TMEM132D: variants seen among roughly 807,000 people sequenced by gnomAD.
TMEM132D encodes transmembrane protein 132D, also known as mature OL transmembrane protein.
In TMEM132D, 21 loss-of-function variants were observed where a neutral mutation model predicts 62.3. The observed-to-expected ratio is 0.34, with a 90% CI of 0.24 to 0.49. The LOEUF is 0.49. Ranked by LOEUF, TMEM132D falls within the 20% of genes least tolerant of loss-of-function variation. The pLI, the probability that TMEM132D is intolerant of heterozygous loss-of-function variation, is 0.99. For synonymous variants in TMEM132D, 621 were observed against 575.6 expected, an observed-to-expected ratio of 1.08 and a Z score of -1.13; for missense variants, 1,346 against 1,402.8, an observed-to-expected ratio of 0.96 and a Z score of 0.65.
chr12:129,433,527 C>T (rs780760923), intron 3 of TMEM132D, among the ~76,000 whole-genome samples: 7 of 152,104 alleles, frequency 4.6e-5, no homozygotes, highest in Admixed American at 4.6e-4. Context: ...GACACATGGG[C>T]AAAAAATAAC....
chr12:129,796,482 T>C (rs537020629), intron 1 of TMEM132D, among the ~76,000 whole-genome samples: 10 of 152,336 alleles, frequency 6.6e-5, no homozygotes, highest in South Asian at 2.1e-4. Flanking sequence ...GTTTGTTACA[T>C]AGGCAAACTC....
intron 3 of TMEM132D, among the ~76,000 whole-genome samples, chr12:129,357,819 A>G (rs1870122554): frequency 6.6e-6 from 1 of 152,198 alleles, no homozygotes; most frequent in South Asian, 2.1e-4. Context: ...TGCATCAGAC[A>G]TACCCATAGG....
At chr12:129,515,326 A>C (rs1364413627) in intron 3 of TMEM132D, among the ~76,000 whole-genome samples, 1 of 152,140 alleles carries the variant, frequency 6.6e-6, no homozygotes, top group Non-Finnish European at 1.5e-5. Context: ...ACCTTTCCCC[A>C]CATATTAGTT....
chr12:129,275,246 A>T (rs1440256993), intron 4 of TMEM132D, among the ~76,000 whole-genome samples: 1 of 152,232 alleles, frequency 6.6e-6, no homozygotes, highest in Non-Finnish European at 1.5e-5. Context: ...GCACCACTGC[A>T]CTACAGCCTG....
chr12:129,594,358 C>T (rs1464900436), intron 2 of TMEM132D, among the ~76,000 whole-genome samples: 1 of 152,194 alleles, frequency 6.6e-6, no homozygotes, highest in Non-Finnish European at 1.5e-5. Flanking sequence ...ACACTAACGT[C>T]ACATCAAAGT....
At chr12:129,318,284 G>T (rs1868557351) in intron 4 of TMEM132D, among the ~76,000 whole-genome samples, 1 of 152,180 alleles carries the variant, frequency 6.6e-6, no homozygotes, top group Admixed American at 6.5e-5. Flanking sequence ...CTGTTAGAGG[G>T]AAGGTCTAGG....
intron 3 of TMEM132D, among the ~76,000 whole-genome samples, chr12:129,463,187 G>GT (rs1873739945): frequency 6.6e-6 from 1 of 152,186 alleles, no homozygotes; most frequent in Non-Finnish European, 1.5e-5. Context: ...CTGAATAAGT[G>GT]TATCTACTTA....
rs74949633 is a variant in TMEM132D, at chr12:129,310,056, C to T, written c.1299+27578G>A. 9.7e-3 allele frequency among the ~76,000 whole-genome samples: 1,455 copies of T among 149,846 alleles called. 32 individuals are homozygous for T. Among genetic ancestry groups the T allele is most frequent in the African/African-American group, 0.035 (1,368 of 39,642 alleles). On this transcript the variant is annotated intron_variant, in intron 4 of 8. Coordinates refer to ENST00000422113, the MANE Select transcript of TMEM132D (RefSeq NM_133448.3). Reference sequence around the variant, plus strand: ...CCAGAAAATCTAGATGAGGGCTGGCCGAGGAGGAAAATCTAGATGAGGGCT... The same window carrying T: ...CCAGAAAATCTAGATGAGGGCTGGCTGAGGAGGAAAATCTAGATGAGGGCT...
Position 129,648,132 on chromosome 12 carries a change from C to T in TMEM132D, c.968+51678G>A, listed in dbSNP as rs562156539. 1.4e-4 allele frequency among the ~76,000 whole-genome samples: 21 copies of T among 152,252 alleles called. No individual in the cohort carries two copies. The South Asian group carries it at 3.9e-3, about 29-fold the overall frequency. ...CAGAGGCCACAAGGCTCCTAACCTT[C>T]CCAATCGCTCCTATGGATAACATCA... On this transcript the variant is annotated intron_variant, in intron 2 of 8. Transcript: ENST00000422113.
Position 129,892,459 on chromosome 12 carries a change from C to T in TMEM132D, c.79+10802G>A, listed in dbSNP as rs536524504. ...TAGCTTTCTACTTTTCTGGCTTGAT[C>T]TGAGTGAACAGATGGGCCGAAGGAT... On this transcript the variant is annotated intron_variant, in intron 1 of 8. Transcript: ENST00000422113. 2.0e-4 allele frequency among the ~76,000 whole-genome samples: 31 copies of T among 152,290 alleles called. No individual in the cohort carries two copies. The South Asian group carries it at 6.2e-3, about 31-fold the overall frequency.
intron 4 of TMEM132D, among the ~76,000 whole-genome samples, chr12:129,306,337 T>C (rs892810678): frequency 6.6e-6 from 1 of 152,228 alleles, no homozygotes; most frequent in African/African-American, 2.4e-5. Context: ...ATGCAGTAGA[T>C]AAGTTGGATA....
intron 4 of TMEM132D, among the ~76,000 whole-genome samples, chr12:129,270,401 T>C (rs1343227958): frequency 6.6e-6 from 1 of 152,180 alleles, no homozygotes; most frequent in Non-Finnish European, 1.5e-5. Context: ...AATTAAAGTA[T>C]TTAGACAATT....
In TMEM132D at chr12:129,404,278, A is replaced by G. The variant is rs532474119; in HGVS notation, c.1116-66461T>C. On this transcript the variant is annotated intron_variant, in intron 3 of 8. Coordinates refer to ENST00000422113, the MANE Select transcript of TMEM132D (RefSeq NM_133448.3). ...CAGTGGTACGATCTCGGCTCACTGCAACCTCCACCTCCCGGGTTCAAGTGA... is the reference window on the plus strand; with the variant it reads ...CAGTGGTACGATCTCGGCTCACTGCGACCTCCACCTCCCGGGTTCAAGTGA... 6.5e-4 allele frequency among the ~76,000 whole-genome samples: 99 copies of G among 152,202 alleles called. 1 individual carries two copies. Among genetic ancestry groups the G allele is most frequent in the African/African-American group, 2.3e-3 (96 of 41,528 alleles).
In TMEM132D at chr12:129,700,205, C is replaced by T. The variant is rs2137226419; in HGVS notation, c.573G>A (p.Leu191=). 6.2e-7 allele frequency: 1 copy of T among 1,612,860 alleles called. No individual in the cohort carries two copies. Residue 191 remains leucine (L), a synonymous_variant, in exon 2 of 9, where the codon CTG becomes CTA. Coordinates refer to ENST00000422113, the MANE Select transcript of TMEM132D (RefSeq NM_133448.3). ...GSCRLQGDLG[L]CVAELELLSS... ...ACAGGAGCTCCAGCTCGGCCACGCA[C>T]AGCCCCAGGTCCCCCTGCAGCCGGC...
intron 1 of TMEM132D, among the ~76,000 whole-genome samples, chr12:129,794,005 A>AT (rs1197020035): frequency 6.6e-6 from 1 of 151,980 alleles, no homozygotes; most frequent in African/African-American, 2.4e-5. Context: ...CACATATTGG[A>AT]TTTTTTAACT....
chr12:129,211,862 A>G lies in TMEM132D; in HGVS notation c.1300-2199T>C, dbSNP rs1240487170. ...AAACATGAAGGGGCAAAATCAGTAT[A>G]TGATGCTATTTCCTGCTGCCTCTAG... On this transcript the variant is annotated intron_variant, in intron 4 of 8. Coordinates refer to ENST00000422113, the MANE Select transcript of TMEM132D (RefSeq NM_133448.3). 6 of 152,232 alleles carry G rather than the reference A, an allele frequency of 3.9e-5. No individual in the cohort carries two copies. The East Asian group carries it at 9.6e-4, about 24-fold the overall frequency. The allele number at this position is 152,232 out of a possible 1,614,324, so 9.4% of individuals were successfully genotyped here.
chr12:129,301,617 T>C (rs1881715790), intron 4 of TMEM132D, among the ~76,000 whole-genome samples: 1 of 152,168 alleles, frequency 6.6e-6, no homozygotes, highest in Non-Finnish European at 1.5e-5. Context: ...ACAGCAGCAA[T>C]CACAGCTGCA....
intron 3 of TMEM132D, among the ~76,000 whole-genome samples, chr12:129,523,184 A>G (rs1026262138): frequency 1.3e-5 from 2 of 152,222 alleles, no homozygotes; most frequent in Non-Finnish European, 2.9e-5. Flanking sequence ...GACAGATAGT[A>G]GCACATAGTT....
At chr12:129,082,058 A>C in intron 6 of TMEM132D, 26 bp from the exon 7 acceptor site, 1 of 1,578,112 alleles carries the variant, frequency 6.3e-7, no homozygotes, top group Non-Finnish European at 8.6e-7. Flanking sequence ...TGCAGTTTGC[A>C]GACAGTTACT....
Sources: gnomAD v4.1 joint callset for allele counts (sites outside exome capture counted in the v4.1 genomes callset) on GRCh38, gnomAD v4.1.1 for gene constraint, MANE v1.5 for transcripts, NCBI Gene and HGNC (gene_info 2026-07-23, HGNC 2026-07-21) for gene names.